Variants in RAB20 observed in about 807,000 individuals in gnomAD.
The protein encoded by RAB20 is RAB20, member RAS oncogene family.
RAB20 carries 2 observed loss-of-function variants against 3.7 expected under a neutral mutation model. The ratio of observed to expected loss-of-function variants is 0.54; its 90% CI spans 0.22 to 1.69. The LOEUF is 1.69. Among genes scored for constraint, RAB20 ranks in the 40% most tolerant of loss-of-function variants. The pLI is 0.19. For synonymous variants in RAB20, 126 were observed against 130.8 expected, an observed-to-expected ratio of 0.96 and a Z score of 0.25; for missense variants, 276 against 311.9, an observed-to-expected ratio of 0.88 and a Z score of 0.87.
At chr13:110,547,310 C>G (rs1301560286) in intron 1 of RAB20, among the ~76,000 whole-genome samples, 1 of 152,208 alleles carries the variant, frequency 6.6e-6, no homozygotes, top group Non-Finnish European at 1.5e-5. Context: ...CAACAAGCTT[C>G]CTATGTGAAT....
intron 1 of RAB20, 91 bp downstream of exon 1, chr13:110,561,257 T>TG (rs1885124069): frequency 7.1e-7 from 1 of 1,412,988 alleles, no homozygotes; most frequent in African/African-American, 1.5e-5. Context: ...GCCGGGACCC[T>TG]GTGCGCGGCC....
chr13:110,541,618 C>G (rs1411553824), intron 1 of RAB20, among the ~76,000 whole-genome samples: 1 of 152,196 alleles, frequency 6.6e-6, no homozygotes, highest in East Asian at 1.9e-4. Context: ...GCCAAGTTAG[C>G]AGGGAACTGC....
At position 110,524,006 on chromosome 13, in the gene RAB20, C is replaced by A; in HGVS notation, c.364G>T (p.Ala122Ser). The stretch of plus-strand genomic sequence containing the variant: ...TCTTCCTTCTCCTGGCCCGCCAAGG[C>A]CCCCTCCTCAGTGAGGTCCACTTTG... ...GNKVDLTEEG[A>S]LAGQEKEECS... The change falls in exon 2 of 2, where the codon GCC becomes TCC. Residue 122 changes from alanine to serine, a missense_variant. Ala to Ser is a moderately conservative substitution (Grantham distance 99, BLOSUM62 1). Transcript: ENST00000267328. 1.2e-6 allele frequency: 2 copies of A among 1,614,144 alleles called. No individual in the cohort carries two copies. The highest frequency in any genetic ancestry group is 1.6e-4 in the Middle Eastern group (1 of 6,062).
intron 1 of RAB20, among the ~76,000 whole-genome samples, chr13:110,537,376 T>C (rs1014499751): frequency 6.6e-6 from 1 of 151,874 alleles, no homozygotes; most frequent in African/African-American, 2.4e-5. Context: ...TCTAACCCAA[T>C]TTACACAACA....
intron 1 of RAB20, among the ~76,000 whole-genome samples, chr13:110,532,909 G>C (rs1217600315): frequency 6.6e-6 from 1 of 152,168 alleles, no homozygotes; most frequent in African/African-American, 2.4e-5. Flanking sequence ...TTGAACTCCT[G>C]GGTTCATGCT....
intron 1 of RAB20, among the ~76,000 whole-genome samples, chr13:110,535,759 A>G (rs1381661890): frequency 2.0e-5 from 3 of 152,330 alleles, no homozygotes; most frequent in Non-Finnish European, 2.9e-5. Flanking sequence ...ACTGGACCAC[A>G]CCATGCTCTC....
intron 1 of RAB20, among the ~76,000 whole-genome samples, chr13:110,527,686 G>C (rs1354997043): frequency 6.6e-6 from 1 of 152,134 alleles, no homozygotes; most frequent in Non-Finnish European, 1.5e-5. Flanking sequence ...TCCGTTTCCA[G>C]TCAAGCTGGA....
intron 1 of RAB20, among the ~76,000 whole-genome samples, chr13:110,545,318 G>A (rs113371737): frequency 0.012 from 1,792 of 152,096 alleles, 39 homozygotes; most frequent in African/African-American, 0.04. Context: ...AAATATATAC[G>A]CCTACTATGT....
At chr13:110,556,966 G>A (rs556792952) in intron 1 of RAB20, among the ~76,000 whole-genome samples, 80 of 152,340 alleles carry the variant, frequency 5.3e-4, no homozygotes, top group African/African-American at 1.8e-3. Flanking sequence ...AGATCTGGGA[G>A]GATCTGAGGA....
intron 1 of RAB20, among the ~76,000 whole-genome samples, chr13:110,543,822 C>T (rs796286695): frequency 1.3e-5 from 2 of 148,408 alleles, no homozygotes; most frequent in South Asian, 2.1e-4. Context: ...GTCACCCAGG[C>T]TGGAGTACAG....
chr13:110,550,227 TGTGGCACCCCAATTCC>T lies in RAB20; in HGVS notation c.172+11105_172+11120del, dbSNP rs569202740. 2.4e-3 allele frequency among the ~76,000 whole-genome samples: 363 copies of T among 152,252 alleles called. 1 individual carries two copies. The highest frequency in any genetic ancestry group is 8.2e-3 in the African/African-American group (340 of 41,532). On this transcript the variant is annotated intron_variant, in intron 1 of 1. Transcript: ENST00000267328. ...ACCCCAACTCCATGGACCCCAACTC[TGTGGCACCCCAATTCC>T]GTGGCACCCCTTCCAGACCTTGCTC...
chr13:110,526,928 G>A (rs1012427799), intron 1 of RAB20, among the ~76,000 whole-genome samples: 2 of 152,108 alleles, frequency 1.3e-5, no homozygotes, highest in African/African-American at 2.4e-5. Flanking sequence ...CACGCACTTG[G>A]GCATAGTGTT....
Position 110,561,353 on chromosome 13 carries a change from G to C in RAB20, c.167C>G (p.Thr56Ser), listed in dbSNP as rs753402781. 25 of 1,601,880 alleles carry C rather than the reference G, an allele frequency of 1.6e-5. No homozygotes were observed. The highest frequency in any genetic ancestry group is 2.0e-5 in the Non-Finnish European group (24 of 1,174,872). ...TCATGCGGCGCCGGCCTCACCTGCGGTGTCCCAGATGGAGATGTTGTAGGA... is the reference window on the plus strand; with the variant it reads ...TCATGCGGCGCCGGCCTCACCTGCGCTGTCCCAGATGGAGATGTTGTAGGA... Reference protein sequence around the residue: ...WRSYNISIWDTAGREQFHGLG... With the variant: ...WRSYNISIWDSAGREQFHGLG... The change falls in exon 1 of 2, where the codon ACC (threonine) becomes AGC (serine). Residue 56 changes from threonine to serine, a missense_variant. Physicochemically the swap from Thr to Ser is moderately conservative, Grantham distance 58. Transcript: ENST00000267328.
At chr13:110,533,012 C>T (rs1230718041) in intron 1 of RAB20, among the ~76,000 whole-genome samples, 2 of 152,122 alleles carry the variant, frequency 1.3e-5, no homozygotes, top group South Asian at 4.1e-4. Flanking sequence ...GAGTTCTCTG[C>T]CTTGCCAGAT....
At chr13:110,534,430 A>G (rs1594131123) in intron 1 of RAB20, among the ~76,000 whole-genome samples, 2 of 152,232 alleles carry the variant, frequency 1.3e-5, no homozygotes, top group African/African-American at 4.8e-5. Flanking sequence ...CCGAGCCCCT[A>G]CAAAGAGGTG....
chr13:110,550,496 G>A (rs974392608), intron 1 of RAB20, among the ~76,000 whole-genome samples: 3 of 152,186 alleles, frequency 2.0e-5, no homozygotes, highest in African/African-American at 7.2e-5. Flanking sequence ...CCTGTGGTAT[G>A]AGACGCTACC....
chr13:110,558,948 A>G (rs2139592794), intron 1 of RAB20, among the ~76,000 whole-genome samples: 1 of 151,964 alleles, frequency 6.6e-6, no homozygotes, highest in African/African-American at 2.4e-5. Context: ...CACCCACCTC[A>G]GCCTCCCAAA....
Position 110,561,525 on chromosome 13 carries a change from C to A in RAB20, c.-6G>T. On this transcript the variant is annotated 5_prime_UTR_variant, in exon 1 of 2. Coordinates refer to ENST00000267328, the MANE Select transcript of RAB20 (RefSeq NM_017817.3). ...TTGCTGTCGGGCTTCCTCATCTTCC[C>A]GTAAGAACCCCCAGCGCCCCCGCGC... 5 of 1,560,264 alleles carry A rather than the reference C, an allele frequency of 3.2e-6. No individual in the cohort carries two copies. The highest frequency in any genetic ancestry group is 4.3e-6 in the Non-Finnish European group (5 of 1,153,748).
intron 1 of RAB20, among the ~76,000 whole-genome samples, chr13:110,527,516 A>AC (rs965691817): frequency 1.3e-5 from 2 of 151,948 alleles, no homozygotes; most frequent in African/African-American, 4.8e-5. Context: ...TACCCGGGTC[A>AC]CCTCCCTCTT....
Sources: allele counts gnomAD v4.1 joint callset (sites outside exome capture counted in the v4.1 genomes callset), GRCh38; gene constraint gnomAD v4.1.1; transcripts MANE v1.5; gene names NCBI Gene and HGNC (gene_info 2026-07-23, HGNC 2026-07-21).